The following SH3PXD2B variants were observed in gnomAD, a reference collection of about 807,000 sequenced individuals.
SH3PXD2B encodes SH3 and PX domains 2B.
In SH3PXD2B, 37 loss-of-function variants were observed where a neutral mutation model predicts 73.1. The ratio of observed to expected loss-of-function variants is 0.51; its 90% CI spans 0.39 to 0.67. The LOEUF (loss-of-function observed/expected upper bound fraction) is 0.67. SH3PXD2B is among the 30% of genes least tolerant of loss of function. The pLI, the probability that SH3PXD2B is intolerant of heterozygous loss-of-function variation, is 0.00. For missense variants in SH3PXD2B, 1,053 were observed against 1,197.8 expected, an observed-to-expected ratio of 0.88 and a Z score of 1.78; for synonymous variants, 457 against 480.5, an observed-to-expected ratio of 0.95 and a Z score of 0.64.
At chr5:172,447,596 A>C (rs1435100235) in intron 1 of SH3PXD2B, among the ~76,000 whole-genome samples, 1 of 152,208 alleles carries the variant, frequency 6.6e-6, no homozygotes, top group Non-Finnish European at 1.5e-5. Flanking sequence ...ATAGATGAGG[A>C]AACTGAGGCA....
intron 1 of SH3PXD2B, among the ~76,000 whole-genome samples, chr5:172,429,267 T>G (rs1160884455): frequency 6.6e-6 from 1 of 152,144 alleles, no homozygotes; most frequent in East Asian, 1.9e-4. Flanking sequence ...CCTGCCCCCT[T>G]GCTTTTCCTC....
At chr5:172,430,481 C>T (rs1030273649) in intron 1 of SH3PXD2B, among the ~76,000 whole-genome samples, 7 of 152,236 alleles carry the variant, frequency 4.6e-5, no homozygotes, top group Non-Finnish European at 2.9e-5. Context: ...TGGGGAAGGC[C>T]CTGACACCCC....
chr5:172,350,125 G>A (rs1757125867), intron 10 of SH3PXD2B, among the ~76,000 whole-genome samples: 1 of 152,192 alleles, frequency 6.6e-6, no homozygotes, highest in Non-Finnish European at 1.5e-5. Flanking sequence ...AAAGTGCTGG[G>A]ATTACAGGTG....
At chr5:172,414,194 C>T (rs565686055) in intron 2 of SH3PXD2B, among the ~76,000 whole-genome samples, 37 of 152,284 alleles carry the variant, frequency 2.4e-4, no homozygotes, top group East Asian at 1.4e-3. Context: ...CAAGGCCGGG[C>T]GCAGTGGCTC....
chr5:172,369,451 G>A (rs879789686), intron 6 of SH3PXD2B, among the ~76,000 whole-genome samples: 1 of 152,084 alleles, frequency 6.6e-6, no homozygotes, highest in Non-Finnish European at 1.5e-5. Context: ...CTCAGTAAGT[G>A]TCTGAATGAA....
At chr5:172,397,380 T>C (rs530260180) in intron 3 of SH3PXD2B, among the ~76,000 whole-genome samples, 4 of 152,340 alleles carry the variant, frequency 2.6e-5, no homozygotes, top group African/African-American at 9.6e-5. Flanking sequence ...CCTGTGATCT[T>C]GCCCTGCCTC....
At chr5:172,413,183 G>C (rs951175715) in intron 2 of SH3PXD2B, among the ~76,000 whole-genome samples, 1 of 152,254 alleles carries the variant, frequency 6.6e-6, no homozygotes, top group Admixed American at 6.5e-5. Flanking sequence ...ATGCGCAGCT[G>C]CAGGCTGGCA....
intron 1 of SH3PXD2B, among the ~76,000 whole-genome samples, chr5:172,446,170 C>A (rs1034199221): frequency 6.6e-6 from 1 of 152,226 alleles, no homozygotes; most frequent in African/African-American, 2.4e-5. Context: ...AGCAGCACCC[C>A]TCCTCAGGCA....
chr5:172,330,225 G>A (rs879917896), downstream of SH3PXD2B, among the ~76,000 whole-genome samples: 1 of 152,178 alleles, frequency 6.6e-6, no homozygotes, highest in Non-Finnish European at 1.5e-5. Flanking sequence ...ATTTTGGGAT[G>A]CTCAATTTGT....
At chr5:172,325,606 C>A (rs553445169) in intron 12 of SH3PXD2B, among the ~76,000 whole-genome samples, 3 of 152,204 alleles carry the variant, frequency 2.0e-5, no homozygotes, top group East Asian at 1.9e-4. Flanking sequence ...TGGTGAAAGG[C>A]GGAAGGGCAA....
intron 4 of SH3PXD2B, among the ~76,000 whole-genome samples, chr5:172,383,823 G>A (rs1397404456): frequency 6.6e-6 from 1 of 151,632 alleles, no homozygotes; most frequent in Non-Finnish European, 1.5e-5. Flanking sequence ...GGATAGAAGA[G>A]ATGTGTCTTG....
rs551498843 is a variant in SH3PXD2B at position 172,338,475 on chromosome 5, TCAAA to T, written c.2626_2629del (p.Phe876LysfsTer16). 629 of 1,614,196 alleles carry T rather than the reference TCAAA, an allele frequency of 3.9e-4. 2 individuals are homozygous for T. The Middle Eastern group carries it at 5.4e-3, about 14-fold the overall frequency. ...GCCACTGCTGTTCTTCTCCCGGACT[TCAAA>T]CACTGTCCCTTCCTGGAAGCTGCTG... On this transcript the variant is annotated frameshift_variant, in exon 13 of 13. Transcript: ENST00000311601. LOFTEE classifies it high-confidence loss of function. The surrounding 1 kb of genome is among the most constrained non-coding windows in gnomAD (Gnocchi z 5.1).
chr5:172,423,554 G>GGT lies in SH3PXD2B; in HGVS notation c.76-1059_76-1058insAC, dbSNP rs1554141225. Reference sequence around the variant, plus strand: ...CACTTGGATACGGGGTTGGGGGGGGGGGCGCACATTCTCTGTTCATGGTGA... The same window carrying GGT: ...CACTTGGATACGGGGTTGGGGGGGGGGTGGCGCACATTCTCTGTTCATGGTGA... On this transcript the variant is annotated intron_variant, in intron 1 of 12. Transcript: ENST00000311601. 7.3e-3 allele frequency among the ~76,000 whole-genome samples: 1,054 copies of GGT among 144,720 alleles called. 13 individuals are homozygous for GGT. The highest frequency in any genetic ancestry group is 0.011 in the Non-Finnish European group (733 of 66,218). 94.9% of individuals were successfully genotyped at this position (144,720 alleles called of 152,430 possible). A position where few individuals can be genotyped will look rare whatever the true frequency, so the allele number is the denominator to read the frequency against.
At chr5:172,416,618 G>A (rs1234610196) in intron 2 of SH3PXD2B, among the ~76,000 whole-genome samples, 10 of 140,258 alleles carry the variant, frequency 7.1e-5, no homozygotes, top group African/African-American at 2.7e-4. Flanking sequence ...GAGCCACTGC[G>A]CCCGGCCTCT....
chr5:172,416,400 T>C (rs1407949397), intron 2 of SH3PXD2B, among the ~76,000 whole-genome samples: 1 of 151,682 alleles, frequency 6.6e-6, no homozygotes. Flanking sequence ...CGATCTTGGC[T>C]TACTGTAACC....
chr5:172,368,513 A>AT (rs1757592670), intron 6 of SH3PXD2B, among the ~76,000 whole-genome samples: 3 of 25,282 alleles, frequency 1.2e-4, no homozygotes, highest in African/African-American at 2.4e-4. Context: ...TATATATATA[A>AT]AATATATATA....
At chr5:172,390,813 TTTTGTGTGTGTGTGTGTGTGTG>T (rs1343492562) in intron 4 of SH3PXD2B, among the ~76,000 whole-genome samples, 2 of 116,764 alleles carry the variant, frequency 1.7e-5, no homozygotes, top group African/African-American at 7.1e-5. Flanking sequence ...GCTTCCCGTC[TTTTGTGTGTGTGTGTGTGTGTG>T]TGTGTGTGTG....
intron 6 of SH3PXD2B, among the ~76,000 whole-genome samples, chr5:172,367,331 C>CCT (rs1045521826): frequency 6.6e-6 from 1 of 151,554 alleles, no homozygotes; most frequent in Non-Finnish European, 1.5e-5. Flanking sequence ...ATGGTCCTTA[C>CCT]CTCACTTGTG....
intron 1 of SH3PXD2B, among the ~76,000 whole-genome samples, chr5:172,444,082 T>C (rs1759608065): frequency 6.6e-6 from 1 of 152,198 alleles, no homozygotes; most frequent in African/African-American, 2.4e-5. Flanking sequence ...TGAATCTCCT[T>C]CCACAACTAT....
Sources: allele counts gnomAD v4.1 joint callset (sites outside exome capture counted in the v4.1 genomes callset), GRCh38; gene constraint gnomAD v4.1.1; non-coding constraint Gnocchi (gnomAD v3.1); transcripts MANE v1.5; gene names NCBI Gene and HGNC (gene_info 2026-07-23, HGNC 2026-07-21).